Variants in DHX30 observed in about 807,000 individuals in gnomAD.
DHX30 encodes the protein ATP-dependent RNA helicase DHX30.
DHX30 carries 4 observed loss-of-function variants against 116.9 expected under a neutral mutation model. That is an observed-to-expected ratio of 0.03 (90% CI 0.02 to 0.08). The LOEUF is 0.08. Ranked by LOEUF, DHX30 falls within the 10% of genes least tolerant of loss-of-function variation. The probability of loss-of-function intolerance (pLI) is 1.00; values close to 1 mark genes in which losing one functional copy is unlikely to be tolerated. For synonymous variants in DHX30, 697 were observed against 651.7 expected (o/e 1.07, Z -1.06); for missense variants, 871 against 1,595.1 (o/e 0.55, Z 7.73).
At chr3:47,816,720 T>C in intron 3 of DHX30, 1 of 985,546 alleles carries the variant, frequency 1.0e-6, no homozygotes, top group African/African-American at 1.7e-5. Flanking sequence ...GAGGTGGAGT[T>C]CTGAAACAGC....
intron 4 of DHX30, among the ~76,000 whole-genome samples, chr3:47,820,149 C>T (rs923794140): frequency 1.3e-5 from 2 of 152,174 alleles, no homozygotes; most frequent in Non-Finnish European, 2.9e-5. Context: ...CCCATCTCTA[C>T]TAAACATACA....
chr3:47,841,654 A>T lies in DHX30; in HGVS notation c.706A>T (p.Ile236Phe), dbSNP rs781000683. 29 of 1,614,134 alleles carry T rather than the reference A, an allele frequency of 1.8e-5. No homozygotes were observed. The highest frequency in any genetic ancestry group is 2.4e-5 in the Non-Finnish European group (28 of 1,180,060). Residue 236 changes from isoleucine (I) to phenylalanine (F), a missense_variant, in exon 8 of 22, where the codon ATT becomes TTT. By Grantham distance (21) the Ile-to-Phe change is conservative. Transcript: ENST00000445061. ...TGAGATGACAGATGACGACAGTGCC[A>T]TTAGGGCTCTGACCCAGTTTCCACT... is the stretch of plus-strand genomic sequence containing the variant. ...SFEMTDDDSA[I>F]RALTQFPLPK...
At chr3:47,831,689 T>A (rs971752957) in intron 6 of DHX30, among the ~76,000 whole-genome samples, 9 of 150,532 alleles carry the variant, frequency 6.0e-5, no homozygotes, top group South Asian at 4.2e-4. Context: ...TTTTTTTTTT[T>A]AAATAGAGAT....
chr3:47,835,312 A>G (rs935202366), intron 6 of DHX30, among the ~76,000 whole-genome samples: 3 of 152,010 alleles, frequency 2.0e-5, no homozygotes, highest in Admixed American at 2.0e-4. Flanking sequence ...CTGGGATTAC[A>G]GGCATGTGCC....
At chr3:47,822,655 C>T (rs1310982055) in intron 4 of DHX30, among the ~76,000 whole-genome samples, 8 of 151,828 alleles carry the variant, frequency 5.3e-5, no homozygotes, top group African/African-American at 1.5e-4. Context: ...CATGGTGGCA[C>T]GTACCTGTAG....
chr3:47,825,276 C>T, intron 4 of DHX30: 1 of 563,842 alleles, frequency 1.8e-6, no homozygotes, highest in Non-Finnish European at 3.1e-6. Context: ...GCGGGCGGTC[C>T]GCAGCGCCCT....
intron 6 of DHX30, among the ~76,000 whole-genome samples, chr3:47,838,007 C>G (rs1254702303): frequency 6.6e-6 from 1 of 152,118 alleles, no homozygotes; most frequent in African/African-American, 2.4e-5. Context: ...ATCCTCTGGT[C>G]TAGTGAAAGA....
Position 47,840,943 on chromosome 3 carries a change from C to G in DHX30, c.433C>G (p.Arg145Gly), listed in dbSNP as rs139038406. ...AGCCAAATACCGAGTGCTAGCTGATCGCTTTGGCTCCCCTGCCGACAGCTG... is the reference window on the plus strand; with the variant it reads ...AGCCAAATACCGAGTGCTAGCTGATGGCTTTGGCTCCCCTGCCGACAGCTG... ...DAAKYRVLAD[R>G]FGSPADSWWR... Residue 145 changes from arginine to glycine, a missense_variant, in exon 7 of 22, where the codon CGC becomes GGC. Physicochemically the swap from Arg to Gly is moderately radical, Grantham distance 125 (BLOSUM62 -2). Around this residue, in one of 13 missense-constraint regions of DHX30, gnomAD observed 109 missense variants for 118.8 expected, o/e 0.92. Coordinates refer to ENST00000445061, the MANE Select transcript of DHX30 (RefSeq NM_138615.3). 1.4e-4 allele frequency: 220 copies of G among 1,614,098 alleles called. No individual in the cohort carries two copies. Among genetic ancestry groups the G allele is most frequent in the Non-Finnish European group, 1.8e-4 (214 of 1,180,048 alleles).
Position 47,818,130 on chromosome 3 carries a change from C to A in DHX30, c.124+13C>A. 1.3e-6 allele frequency: 1 copy of A among 779,032 alleles called. No homozygotes were observed. Among genetic ancestry groups the A allele is most frequent in the Non-Finnish European group, 2.4e-6 (1 of 416,822 alleles). 48.3% of individuals were successfully genotyped at this position (779,032 alleles called of 1,614,324 possible). On this transcript the variant is annotated intron_variant, in intron 4 of 21. Transcript: ENST00000445061. ...ACCATCTCTCGAGGTAAGGGAGGAG[C>A]CTTGCCTCCAGCAACAGCTTGGTCC...
At chr3:47,840,733 A>G (rs2037334762) in intron 6 of DHX30, 144 bp from the exon 7 acceptor site, 3 of 913,988 alleles carry the variant, frequency 3.3e-6, no homozygotes, top group Non-Finnish European at 3.3e-6. Context: ...TTCCATGCCC[A>G]GTTCTGGACT....
Position 47,847,496 on chromosome 3 carries a change from G to A in DHX30, c.2070G>A (p.Glu690=), listed in dbSNP as rs764793490. ...EIKGVQQRLQ[E]ALGMHESKYL... ...AAGGAGTGCAGCAGCGCCTCCAGGA[G>A]GCCCTGGGCATGCACGAGAGCAAGT... is the stretch of plus-strand genomic sequence containing the variant. Residue 690 remains glutamate (E), a synonymous_variant, in exon 13 of 22, where the codon GAG becomes GAA. Transcript: ENST00000445061. This position sits in a 1 kb window ranked among gnomAD's most constrained non-coding sequence, Gnocchi z 5.5. 28 of 1,612,862 alleles carry A rather than the reference G, an allele frequency of 1.7e-5. No individual in the cohort carries two copies. The Admixed American group carries it at 4.0e-4, about 23-fold the overall frequency.
At position 47,803,301 on chromosome 3, in the gene DHX30, C is replaced by T. The variant is rs545773280; in HGVS notation, c.-123+89C>T. 30 of 387,554 alleles carry T rather than the reference C, an allele frequency of 7.7e-5. No homozygotes were observed. The South Asian group carries it at 2.2e-3, about 29-fold the overall frequency. The allele number at this position is 387,554 out of a possible 1,614,324, so 24.0% of individuals were successfully genotyped here. A position where few individuals can be genotyped will look rare whatever the true frequency, so the allele number is the denominator to read the frequency against. On this transcript the variant is annotated intron_variant, in intron 1 of 21. Coordinates refer to ENST00000445061, the MANE Select transcript of DHX30 (RefSeq NM_138615.3). ...GGTCGTCGTGAGGAGGGGGCCCGGT[C>T]CGACCGCCAGCCTGGCGGAGAGTGG... is the stretch of plus-strand genomic sequence containing the variant.
At chr3:47,822,986 G>C (rs935042152) in intron 4 of DHX30, among the ~76,000 whole-genome samples, 10 of 151,600 alleles carry the variant, frequency 6.6e-5, no homozygotes, top group African/African-American at 2.2e-4. Flanking sequence ...CCAGCTACTT[G>C]GGGGGCTGAG....
intron 7 of DHX30, among the ~76,000 whole-genome samples, chr3:47,841,408 A>G (rs773390659): frequency 5.9e-5 from 9 of 152,176 alleles, no homozygotes; most frequent in Non-Finnish European, 1.2e-4. Context: ...GCTCTCTGCT[A>G]TCTTATCTGT....
intron 6 of DHX30, among the ~76,000 whole-genome samples, chr3:47,836,541 T>C (rs9850154): frequency 0.74 from 112,392 of 151,948 alleles, 42,141 homozygotes; most frequent in African/African-American, 0.87. Context: ...TGTTTTGAGA[T>C]GGTGTCTTGC....
At chr3:47,825,356 C>T in intron 4 of DHX30, 1 of 529,256 alleles carries the variant, frequency 1.9e-6, no homozygotes, top group South Asian at 2.4e-5. Context: ...TCCTCTCTTC[C>T]ATAGTGGCCA....
Position 47,848,082 on chromosome 3 carries a change from A to G in DHX30, c.2287-98A>G. 1.3e-6 allele frequency: 2 copies of G among 1,582,430 alleles called. No homozygotes were observed. The highest frequency in any genetic ancestry group is 1.1e-5 in the South Asian group (1 of 88,260). Reference sequence around the variant, plus strand: ...CAGAAGGCCGCGCTTGTGGGGTCTCAGTGTTCCTGATGTAGGGGGCTGGTG... The same window carrying G: ...CAGAAGGCCGCGCTTGTGGGGTCTCGGTGTTCCTGATGTAGGGGGCTGGTG... On this transcript the variant is annotated intron_variant, in intron 14 of 21. Transcript: ENST00000445061. The surrounding 1 kb of genome is among the most constrained non-coding windows in gnomAD (Gnocchi z 9.4).
intron 3 of DHX30, among the ~76,000 whole-genome samples, chr3:47,811,313 A>G (rs1052893116): frequency 6.6e-6 from 1 of 151,912 alleles, no homozygotes; most frequent in Non-Finnish European, 1.5e-5. Flanking sequence ...AACCTTTCCT[A>G]ATTCTGTTGA....
At chr3:47,833,537 CAA>C (rs71070236) in intron 6 of DHX30, among the ~76,000 whole-genome samples, 12 of 62,432 alleles carry the variant, frequency 1.9e-4, no homozygotes, top group South Asian at 1.5e-3. Context: ...CTCTCTCTCT[CAA>C]AAAAAAAAAA....
Sources: gnomAD v4.1 joint callset for allele counts (sites outside exome capture counted in the v4.1 genomes callset) on GRCh38, gnomAD v4.1.1 for gene constraint, gnomAD v4.1.1 regional missense constraint, Gnocchi (gnomAD v3.1) non-coding constraint, MANE v1.5 for transcripts, NCBI Gene and HGNC (gene_info 2026-07-23, HGNC 2026-07-21) for gene names.